The following TMEM132B variants were observed in gnomAD, a reference collection of about 807,000 sequenced individuals.
TMEM132B encodes the protein transmembrane protein 132B.
TMEM132B carries 18 observed loss-of-function variants against 90.8 expected under a neutral mutation model. The observed-to-expected ratio is 0.20, with a 90% CI of 0.14 to 0.29. TMEM132B has a LOEUF of 0.29. Ranked by LOEUF, TMEM132B falls within the 10% of genes least tolerant of loss-of-function variation. The pLI is 1.00. For synonymous variants in TMEM132B, 504 were observed against 523.3 expected (o/e 0.96, Z 0.50); for missense variants, 1,096 against 1,326.8 (o/e 0.83, Z 2.70).
intron 2 of TMEM132B, among the ~76,000 whole-genome samples, chr12:125,368,139 G>GTGCTATTT (rs1185361558): frequency 1.3e-5 from 2 of 151,972 alleles, no homozygotes; most frequent in East Asian, 3.9e-4. Context: ...CCACATCTTT[G>GTGCTATTT]TGCTATTTTC....
At chr12:125,391,157 G>A (rs1402817652) in intron 2 of TMEM132B, among the ~76,000 whole-genome samples, 1 of 152,006 alleles carries the variant, frequency 6.6e-6, no homozygotes, top group Non-Finnish European at 1.5e-5. Flanking sequence ...TGATCATGGA[G>A]GAGAATTGTT....
chr12:125,316,683 G>A (rs1876288116), intron 1 of TMEM132B, among the ~76,000 whole-genome samples: 1 of 140,684 alleles, frequency 7.1e-6, no homozygotes, highest in Non-Finnish European at 1.6e-5. Context: ...CATTCCGGAA[G>A]AGGGGGCAGG....
At chr12:125,379,359 A>G (rs1878590343) in intron 2 of TMEM132B, among the ~76,000 whole-genome samples, 1 of 152,206 alleles carries the variant, frequency 6.6e-6, no homozygotes, top group Non-Finnish European at 1.5e-5. Flanking sequence ...ACTGAATTCT[A>G]CAGTGCTGGC....
At chr12:125,575,378 T>C (rs535495196) in intron 4 of TMEM132B, among the ~76,000 whole-genome samples, 6 of 152,100 alleles carry the variant, frequency 3.9e-5, no homozygotes, top group African/African-American at 1.4e-4. Context: ...GGAAAATGTC[T>C]ATTCAAATCC....
intron 3 of TMEM132B, among the ~76,000 whole-genome samples, chr12:125,515,136 ACT>A (rs2136642741): frequency 6.6e-6 from 1 of 152,256 alleles, no homozygotes; most frequent in African/African-American, 2.4e-5. Flanking sequence ...ACGCAGACAC[ACT>A]CACACAAACA....
At chr12:125,505,630 A>C (rs1882826937) in intron 3 of TMEM132B, among the ~76,000 whole-genome samples, 2 of 151,922 alleles carry the variant, frequency 1.3e-5, no homozygotes, top group African/African-American at 4.8e-5. Context: ...ACCGGGAGGC[A>C]GAGGTTGCAG....
chr12:125,551,199 G>A (rs1023017673), intron 4 of TMEM132B, among the ~76,000 whole-genome samples: 1 of 152,122 alleles, frequency 6.6e-6, no homozygotes, highest in Admixed American at 6.5e-5. Flanking sequence ...ATAGCTTTTC[G>A]GTATATATTT....
intron 3 of TMEM132B, among the ~76,000 whole-genome samples, chr12:125,509,520 T>A (rs1882927448): frequency 6.6e-6 from 1 of 152,130 alleles, no homozygotes; most frequent in Non-Finnish European, 1.5e-5. Context: ...AATGTGCACA[T>A]TTGTGTAAAA....
intron 5 of TMEM132B, among the ~76,000 whole-genome samples, chr12:125,593,349 A>G (rs1362372920): frequency 6.6e-6 from 1 of 152,182 alleles, no homozygotes; most frequent in African/African-American, 2.4e-5. Context: ...TGGCATCTCT[A>G]ATTAAGAACC....
At chr12:125,344,843 C>T (rs1877304558) in intron 1 of TMEM132B, among the ~76,000 whole-genome samples, 1 of 89,640 alleles carries the variant, frequency 1.1e-5, no homozygotes, top group African/African-American at 2.8e-5. Context: ...TATGTGAAAA[C>T]AGCACCAAAG....
chr12:125,282,975 C>T (rs138443983), intron 1 of TMEM132B, among the ~76,000 whole-genome samples: 3 of 152,186 alleles, frequency 2.0e-5, no homozygotes, highest in Non-Finnish European at 4.4e-5. Flanking sequence ...TGGTACAGCC[C>T]GAGAGCTTGG....
At chr12:125,390,948 A>G (rs1453215864) in intron 2 of TMEM132B, among the ~76,000 whole-genome samples, 1 of 152,056 alleles carries the variant, frequency 6.6e-6, no homozygotes, top group African/African-American at 2.4e-5. Flanking sequence ...GAGGTAACTA[A>G]CCTATTCCTC....
rs2137061874 is a variant in TMEM132B at position 125,655,977 on chromosome 12, A to G, written c.*1267A>G. On this transcript the variant is annotated 3_prime_UTR_variant, in exon 9 of 9. Coordinates refer to ENST00000682704, the MANE Select transcript of TMEM132B (RefSeq NM_001366854.1). ...TTTCCCCCCAAAATCCATACAAATAAATGACTATTCCAGAACTCAAGAAGC... is the reference window on the plus strand; with the variant it reads ...TTTCCCCCCAAAATCCATACAAATAGATGACTATTCCAGAACTCAAGAAGC... The G allele has an allele frequency of 6.6e-6, 1 of 152,290 alleles. No homozygotes were observed. Among genetic ancestry groups the G allele is most frequent in the East Asian group, 1.9e-4 (1 of 5,188 alleles). 9.4% of individuals were successfully genotyped at this position (152,290 alleles called of 1,614,324 possible).
chr12:125,480,200 T>C (rs950414530), intron 3 of TMEM132B, among the ~76,000 whole-genome samples: 4 of 152,212 alleles, frequency 2.6e-5, no homozygotes, highest in African/African-American at 2.4e-5. Context: ...TTAAAAGAGT[T>C]AGAGAAGCAA....
intron 3 of TMEM132B, among the ~76,000 whole-genome samples, chr12:125,428,481 A>G (rs930657455): frequency 2.0e-5 from 3 of 152,108 alleles, no homozygotes; most frequent in Non-Finnish European, 2.9e-5. Flanking sequence ...TTATATCATT[A>G]TTATATATGT....
chr12:125,282,825 T>A (rs938951855), intron 1 of TMEM132B, among the ~76,000 whole-genome samples: 1 of 152,130 alleles, frequency 6.6e-6, no homozygotes, highest in South Asian at 2.1e-4. Context: ...GAGCTCTGGG[T>A]GCATAGTAAG....
At chr12:125,228,067 C>A (rs1873721368) in intron 1 of TMEM132B, among the ~76,000 whole-genome samples, 1 of 152,204 alleles carries the variant, frequency 6.6e-6, no homozygotes, top group Admixed American at 6.5e-5. Context: ...CACCTGTACT[C>A]TAATTATTGT....
intron 4 of TMEM132B, among the ~76,000 whole-genome samples, chr12:125,555,034 T>C (rs1392118972): frequency 6.6e-6 from 1 of 152,288 alleles, no homozygotes; most frequent in East Asian, 1.9e-4. Flanking sequence ...ACCAAGAGAA[T>C]GTGAAATGAT....
At chr12:125,648,772 T>G (rs1461544279) in intron 6 of TMEM132B, among the ~76,000 whole-genome samples, 3 of 152,190 alleles carry the variant, frequency 2.0e-5, no homozygotes, top group African/African-American at 7.2e-5. Context: ...CCCATTAATT[T>G]AAAGGAAACT....
Sources: allele counts gnomAD v4.1 joint callset (sites outside exome capture counted in the v4.1 genomes callset), GRCh38; gene constraint gnomAD v4.1.1; transcripts MANE v1.5; gene names NCBI Gene and HGNC (gene_info 2026-07-23, HGNC 2026-07-21).